The following ITSN1 variants were observed in gnomAD, a reference collection of about 807,000 sequenced individuals.
The protein encoded by ITSN1 is intersectin-1.
Under a neutral mutation model 239.8 loss-of-function variants are expected in ITSN1, and 58 were observed. That is an observed-to-expected ratio of 0.24 (90% confidence interval 0.20 to 0.30). The LOEUF (loss-of-function observed/expected upper bound fraction) is 0.30, where lower values mean the gene tolerates loss of function less well. Ranked by LOEUF, ITSN1 falls within the 10% of genes least tolerant of loss-of-function variation. The pLI is 1.00. For missense variants in ITSN1, 1,558 were observed against 2,103.3 expected, an observed-to-expected ratio of 0.74 and a Z score of 5.07; for synonymous variants, 780 against 770.8, an observed-to-expected ratio of 1.01 and a Z score of -0.20.
intron 30 of ITSN1, among the ~76,000 whole-genome samples, chr21:33,857,358 G>T (rs1416607372): frequency 6.6e-6 from 1 of 152,220 alleles, no homozygotes; most frequent in East Asian, 1.9e-4. Flanking sequence ...AAAAGCCCCT[G>T]ACCTGAGTGA....
At chr21:33,750,638 C>CA (rs753159800) in intron 6 of ITSN1, among the ~76,000 whole-genome samples, 2 of 152,148 alleles carry the variant, frequency 1.3e-5, no homozygotes, top group Admixed American at 6.5e-5. Flanking sequence ...TGTAGTTGAA[C>CA]ATTTTCTATT....
chr21:33,776,071 G>A (rs2069580119), intron 14 of ITSN1, among the ~76,000 whole-genome samples: 1 of 152,140 alleles, frequency 6.6e-6, no homozygotes, highest in South Asian at 2.1e-4. Context: ...TCATCACTGA[G>A]TAGTGTTTCC....
chr21:33,878,621 C>T (rs935249103), intron 34 of ITSN1, among the ~76,000 whole-genome samples: 4 of 152,206 alleles, frequency 2.6e-5, no homozygotes, highest in African/African-American at 4.8e-5. Flanking sequence ...GGTTCCTCCA[C>T]GGCCCCATCT....
At chr21:33,817,552 T>C in intron 22 of ITSN1, 1 of 1,304,098 alleles carries the variant, frequency 7.7e-7, no homozygotes, top group South Asian at 1.2e-5. Flanking sequence ...ACTTGGTTGT[T>C]TTTATCTCTG....
Position 33,865,333 on chromosome 21 carries a change from A to T in ITSN1, c.4073A>T (p.Lys1358Ile). ...GCCCCAGACTTCAAGGAGTTCGTCAAAGTAAGGAGCCAGGCTGTGCAGAGA... is the reference window on the plus strand; with the variant it reads ...GCCCCAGACTTCAAGGAGTTCGTCATAGTAAGGAGCCAGGCTGTGCAGAGA... ...DEAPDFKEFV[K>I]RLAMDPRCKG... Residue 1358 changes from lysine to isoleucine, a missense_variant and splice_region_variant, in exon 32 of 40, where the codon AAA (lysine) becomes ATA (isoleucine). Lys to Ile is a moderately radical substitution (Grantham distance 102). Around this residue, in one of 2 missense-constraint regions of ITSN1, gnomAD observed 576 missense variants for 893.3 expected, o/e 0.64. Transcript: ENST00000381318. This position sits in a 1 kb window ranked among gnomAD's most constrained non-coding sequence, Gnocchi z 4.4. 6.4e-7 allele frequency: 1 copy of T among 1,556,676 alleles called. No homozygotes were observed. The highest frequency in any genetic ancestry group is 8.7e-7 in the Non-Finnish European group (1 of 1,149,616).
chr21:33,659,009 G>T (rs1456629310), intron 1 of ITSN1, among the ~76,000 whole-genome samples: 1 of 152,118 alleles, frequency 6.6e-6, no homozygotes, highest in Non-Finnish European at 1.5e-5. Flanking sequence ...TGGTCCGGAG[G>T]AAGCAGTCAG....
chr21:33,862,038 C>T (rs952061169), intron 31 of ITSN1, among the ~76,000 whole-genome samples: 14 of 145,454 alleles, frequency 9.6e-5, no homozygotes, highest in African/African-American at 3.5e-4. Flanking sequence ...TGGCGCATGC[C>T]TGTAATACAA....
intron 31 of ITSN1, among the ~76,000 whole-genome samples, chr21:33,863,900 A>G (rs1411099327): frequency 6.6e-6 from 1 of 152,200 alleles, no homozygotes; most frequent in Non-Finnish European, 1.5e-5. Flanking sequence ...CCAAGCTGCC[A>G]CTGCTCCCCA....
chr21:33,804,854 C>CA (rs536417764), intron 20 of ITSN1, among the ~76,000 whole-genome samples: 9 of 151,734 alleles, frequency 5.9e-5, no homozygotes, highest in African/African-American at 2.2e-4. Context: ...TGATGAACTT[C>CA]AAAAAAAAGC....
At chr21:33,680,272 C>T (rs1390944902) in intron 1 of ITSN1, among the ~76,000 whole-genome samples, 9 of 151,216 alleles carry the variant, frequency 6.0e-5, no homozygotes, top group Non-Finnish European at 1.3e-4. Flanking sequence ...TTCTCTAACT[C>T]AGGACAGTGC....
intron 21 of ITSN1, among the ~76,000 whole-genome samples, chr21:33,811,787 G>A (rs1423393530): frequency 2.0e-5 from 3 of 152,202 alleles, no homozygotes; most frequent in Admixed American, 1.3e-4. Flanking sequence ...CTGTGTGTAA[G>A]CAGAGGTTTG....
In ITSN1 at chr21:33,889,116, C is replaced by T. The variant is rs558756290; in HGVS notation, c.*816C>T. 2.0e-5 allele frequency: 3 copies of T among 152,148 alleles called. No individual in the cohort carries two copies. In the East Asian group the frequency reaches 5.8e-4, roughly 29 times the overall value. 9.4% of individuals were successfully genotyped at this position (152,148 alleles called of 1,614,324 possible). On this transcript the variant is annotated 3_prime_UTR_variant, in exon 40 of 40. Transcript: ENST00000381318. ...AAGGCAACTTTACAATGTTGGGTCACTGGGTCTCGGTTGGCAGCCATGTTG... is the reference window on the plus strand; with the variant it reads ...AAGGCAACTTTACAATGTTGGGTCATTGGGTCTCGGTTGGCAGCCATGTTG...
chr21:33,663,275 A>G (rs2089692199), intron 1 of ITSN1, among the ~76,000 whole-genome samples: 1 of 152,238 alleles, frequency 6.6e-6, no homozygotes, highest in African/African-American at 2.4e-5. Flanking sequence ...TGGTTTTATT[A>G]TGAGATATAT....
At chr21:33,657,197 G>A (rs576597048) in intron 1 of ITSN1, among the ~76,000 whole-genome samples, 1 of 152,270 alleles carries the variant, frequency 6.6e-6, no homozygotes, top group South Asian at 2.1e-4. Context: ...AATCCCCAGT[G>A]TTTATTGTTC....
chr21:33,681,136 A>T (rs1232870046), intron 1 of ITSN1, among the ~76,000 whole-genome samples: 6 of 152,134 alleles, frequency 3.9e-5, no homozygotes, highest in African/African-American at 1.4e-4. Flanking sequence ...CCGCCCGGGG[A>T]TGGACAGGTA....
At chr21:33,755,227 T>A in intron 7 of ITSN1, 70 bp from the exon 8 acceptor site, 1 of 755,764 alleles carries the variant, frequency 1.3e-6, no homozygotes, top group South Asian at 2.1e-5. Flanking sequence ...TAGTTTACTG[T>A]CATTAAGGAA....
intron 4 of ITSN1, among the ~76,000 whole-genome samples, chr21:33,730,388 C>CTTTTTTTTTTTTTT (rs71194863): frequency 2.0e-5 from 1 of 49,348 alleles, no homozygotes; most frequent in Non-Finnish European, 3.9e-5. Context: ...GCTCTCTGTT[C>CTTTTTTTTTTTTTT]TTTTTTTTTT....
chr21:33,690,772 A>AGTGTAT, intron 1 of ITSN1, among the ~76,000 whole-genome samples: 1 of 69,236 alleles, frequency 1.4e-5, no homozygotes, highest in African/African-American at 6.7e-5. Flanking sequence ...GAAAAAAAAA[A>AGTGTAT]GTGTATATAT....
intron 1 of ITSN1, among the ~76,000 whole-genome samples, chr21:33,681,646 ATTTTATTTTAT>A (rs1230777698): frequency 1.4e-5 from 2 of 142,196 alleles, no homozygotes; most frequent in Admixed American, 1.4e-4. Context: ...ATTTTATTTT[ATTTTATTTTAT>A]TTTTTGTTTT....
Sources: gnomAD v4.1 joint callset for allele counts (sites outside exome capture counted in the v4.1 genomes callset) on GRCh38, gnomAD v4.1.1 for gene constraint, gnomAD v4.1.1 regional missense constraint, Gnocchi (gnomAD v3.1) non-coding constraint, MANE v1.5 for transcripts, NCBI Gene and HGNC (gene_info 2026-07-23, HGNC 2026-07-21) for gene names.